Variants in NXN observed in about 807,000 individuals in gnomAD.
NXN encodes the protein nucleoredoxin 1.
In NXN, 16 loss-of-function variants were observed where a neutral mutation model predicts 48.6. The observed-to-expected ratio is 0.33, with a 90% CI of 0.22 to 0.50. The LOEUF (loss-of-function observed/expected upper bound fraction) is 0.50, where lower values mean the gene tolerates loss of function less well. Among genes scored for constraint, NXN ranks in the 20% least tolerant of loss-of-function variants. The probability of loss-of-function intolerance (pLI) is 0.98; values close to 1 mark genes in which losing one functional copy is unlikely to be tolerated. For synonymous variants in NXN, 281 were observed against 269.6 expected (o/e 1.04, Z -0.41); for missense variants, 492 against 605.5 (o/e 0.81, Z 1.97).
intron 1 of NXN, among the ~76,000 whole-genome samples, chr17:957,524 C>T (rs1032772196): frequency 6.6e-5 from 10 of 151,088 alleles, no homozygotes; most frequent in Non-Finnish European, 1.0e-4. Context: ...CCCAGCTACT[C>T]GGGAGGCTGA....
At chr17:953,623 T>TTGTGGA (rs1386962654) in intron 1 of NXN, among the ~76,000 whole-genome samples, 1 of 152,162 alleles carries the variant, frequency 6.6e-6, no homozygotes, top group Non-Finnish European at 1.5e-5. Flanking sequence ...TCTCAACAGT[T>TTGTGGA]GTACTTATCA....
intron 6 of NXN, 76 bp downstream of exon 6, chr17:804,992 A>C (rs1555607797): frequency 6.9e-7 from 1 of 1,445,644 alleles, no homozygotes; most frequent in Non-Finnish European, 9.5e-7. Context: ...CGGCAGGGAC[A>C]GGCTCCTCCC....
At chr17:915,295 T>C (rs948917096) in intron 1 of NXN, among the ~76,000 whole-genome samples, 2 of 152,162 alleles carry the variant, frequency 1.3e-5, no homozygotes, top group African/African-American at 4.8e-5. Context: ...CTAGGAATTC[T>C]TTCTCTCTTT....
intron 1 of NXN, among the ~76,000 whole-genome samples, chr17:891,914 C>T (rs1325411242): frequency 7.4e-6 from 1 of 135,718 alleles, no homozygotes; most frequent in Admixed American, 7.5e-5. Flanking sequence ...CCTAAACTAA[C>T]CCCACCATGC....
chr17:841,857 T>G (rs1442179730), intron 1 of NXN, among the ~76,000 whole-genome samples: 2 of 152,060 alleles, frequency 1.3e-5, no homozygotes, highest in Non-Finnish European at 2.9e-5. Context: ...CTGCTCTAGG[T>G]GGCGCACGGC....
At position 821,280 on chromosome 17, in the gene NXN, G is replaced by A. The variant is rs1172951433; in HGVS notation, c.713+1077C>T. ...CTGGTGACTCAGTCTAAACTGGGGC[G>A]GGAGTTTTGAGGTGAAGGAAATTCA... On this transcript the variant is annotated intron_variant, in intron 4 of 7. Coordinates refer to ENST00000336868, the MANE Select transcript of NXN (RefSeq NM_022463.5). 1.1e-4 allele frequency among the ~76,000 whole-genome samples: 9 copies of A among 78,388 alleles called. 3 individuals carry two copies. The highest frequency in any genetic ancestry group is 1.9e-4 in the Non-Finnish European group (8 of 42,084). The allele number at this position is 78,388 out of a possible 152,430, so 51.4% of individuals were successfully genotyped here.
intron 1 of NXN, among the ~76,000 whole-genome samples, chr17:843,052 G>GAA (rs1270488657): frequency 5.1e-4 from 58 of 114,834 alleles, no homozygotes; most frequent in African/African-American, 2.1e-3. Flanking sequence ...AAGAAAGAAA[G>GAA]AAAGAAGGAA....
rs374583918 is a variant in NXN at position 956,246 on chromosome 17, C to T, written c.360+23073G>A. On this transcript the variant is annotated intron_variant, in intron 1 of 7. Transcript: ENST00000336868. This position sits in a 1 kb window ranked among gnomAD's most constrained non-coding sequence, Gnocchi z 4.1. ...ATTCTTTCTTTCAATAAACACGGTGCCAAGTATTTACTAATAAGAGGTGTC... is the reference window on the plus strand; with the variant it reads ...ATTCTTTCTTTCAATAAACACGGTGTCAAGTATTTACTAATAAGAGGTGTC... Among the ~76,000 whole-genome samples, 13 of 152,128 alleles carry T rather than the reference C, an allele frequency of 8.5e-5. No homozygotes were observed. In the East Asian group the frequency reaches 9.7e-4, roughly 11 times the overall value.
At chr17:944,024 G>A (rs942517306) in intron 1 of NXN, among the ~76,000 whole-genome samples, 3 of 151,952 alleles carry the variant, frequency 2.0e-5, no homozygotes, top group Non-Finnish European at 4.4e-5. Flanking sequence ...GATCACCTGA[G>A]GTCAGGGGTT....
At position 843,800 on chromosome 17, in the gene NXN, T is replaced by G. The variant is rs1326440018; in HGVS notation, c.361-17722A>C. Reference sequence around the variant, plus strand: ...CGACGTGAACGTTGGGACCCTGACCTGCAGCGTCTTTGGGAGATGGGCCAT... The same window carrying G: ...CGACGTGAACGTTGGGACCCTGACCGGCAGCGTCTTTGGGAGATGGGCCAT... On this transcript the variant is annotated intron_variant, in intron 1 of 7. Transcript: ENST00000336868. Among the ~76,000 whole-genome samples, 6 of 152,214 alleles carry G rather than the reference T, an allele frequency of 3.9e-5. No homozygotes were observed. In the East Asian group the frequency reaches 1.2e-3, roughly 29 times the overall value.
At chr17:840,500 C>T (rs1303153604) in intron 1 of NXN, among the ~76,000 whole-genome samples, 1 of 152,134 alleles carries the variant, frequency 6.6e-6, no homozygotes, top group Admixed American at 6.5e-5. Flanking sequence ...CCACCACGCA[C>T]AGCTAATTTT....
At chr17:848,732 C>A (rs2067892370) in intron 1 of NXN, among the ~76,000 whole-genome samples, 1 of 152,200 alleles carries the variant, frequency 6.6e-6, no homozygotes, top group African/African-American at 2.4e-5. Context: ...CTCCTGGTTA[C>A]CTTCTCTGTT....
intron 1 of NXN, among the ~76,000 whole-genome samples, chr17:974,645 C>T (rs562023218): frequency 8.9e-4 from 135 of 151,612 alleles, no homozygotes; most frequent in African/African-American, 3.1e-3. Context: ...AGCTAATAAA[C>T]GGCAGAGCGG....
Position 932,489 on chromosome 17 carries a change from G to A in NXN, c.360+46830C>T, listed in dbSNP as rs1036872537. Among the ~76,000 whole-genome samples, 8 of 152,166 alleles carry A rather than the reference G, an allele frequency of 5.3e-5. No homozygotes were observed. The highest frequency in any genetic ancestry group is 2.1e-4 in the South Asian group (1 of 4,826). On this transcript the variant is annotated intron_variant, in intron 1 of 7. Transcript: ENST00000336868. The surrounding 1 kb of genome is among the most constrained non-coding windows in gnomAD (Gnocchi z 4.1). ...CTTCAGCAAAACAAAACTCTGAGGC[G>A]GCGTTGGGTCCAGTCGTCGTCTCCT...
rs553232423 is a variant in NXN at position 804,582 on chromosome 17, G to A, written c.1000+486C>T. On this transcript the variant is annotated intron_variant, in intron 6 of 7. Transcript: ENST00000336868. ...GGATGCGCCTGTGTCCCCCTGGCCC[G>A]GCTGGGCAGTTACCCACGGAGCTCA... 1.6e-4 allele frequency among the ~76,000 whole-genome samples: 24 copies of A among 152,168 alleles called. No homozygotes were observed. The South Asian group carries it at 1.9e-3, about 12-fold the overall frequency.
intron 1 of NXN, among the ~76,000 whole-genome samples, chr17:955,341 A>AT (rs770447209): frequency 8.1e-5 from 12 of 148,540 alleles, no homozygotes; most frequent in African/African-American, 2.5e-4. Context: ...CTAATTTTTT[A>AT]TTTTTTTTAG....
At chr17:884,145 T>C (rs894299154) in intron 1 of NXN, among the ~76,000 whole-genome samples, 2 of 152,014 alleles carry the variant, frequency 1.3e-5, no homozygotes, top group African/African-American at 4.8e-5. Flanking sequence ...GGCATGAACC[T>C]GGGAGGCGGA....
chr17:810,389 G>C (rs150061129), intron 5 of NXN, among the ~76,000 whole-genome samples: 93 of 152,356 alleles, frequency 6.1e-4, no homozygotes, highest in African/African-American at 2.2e-3. Flanking sequence ...AGGAATGTGG[G>C]TGGGATGACA....
intron 1 of NXN, among the ~76,000 whole-genome samples, chr17:872,239 G>A (rs530305300): frequency 1.2e-4 from 18 of 150,568 alleles, no homozygotes; most frequent in East Asian, 2.0e-4. Context: ...AGAGAGAGAC[G>A]GAGGGAGGGA....
Sources: allele counts gnomAD v4.1 joint callset (sites outside exome capture counted in the v4.1 genomes callset), GRCh38; gene constraint gnomAD v4.1.1; non-coding constraint Gnocchi (gnomAD v3.1); transcripts MANE v1.5; gene names NCBI Gene and HGNC (gene_info 2026-07-23, HGNC 2026-07-21).